RNPEP: variants seen among roughly 807,000 people sequenced by gnomAD.
RNPEP encodes the protein arginyl aminopeptidase.
In RNPEP, 57 loss-of-function variants were observed where a neutral mutation model predicts 70.1. That is an observed-to-expected ratio of 0.81 (90% CI 0.66 to 1.01). The LOEUF (loss-of-function observed/expected upper bound fraction) is 1.01. Ranked by LOEUF, RNPEP falls within the 50% of genes least tolerant of loss-of-function variation. The pLI is 0.00. For missense variants in RNPEP, 787 were observed against 852.4 expected (o/e 0.92, Z 0.96); for synonymous variants, 335 against 357.4 (o/e 0.94, Z 0.71).
Position 202,005,709 on chromosome 1 carries a change from G to T in RNPEP, c.1946G>T (p.Gly649Val), listed in dbSNP as rs370083172. 6.2e-7 allele frequency: 1 copy of T among 1,614,208 alleles called. No homozygotes were observed. The highest frequency in any genetic ancestry group is 8.5e-7 in the Non-Finnish European group (1 of 1,179,994). Reference protein sequence around the residue: ...NYVQQIVAPKGS With the variant: ...NYVQQIVAPKVS Reference sequence around the variant, plus strand: ...GTCCAGCAGATCGTGGCACCCAAGGGCAGTTAGAGGCTCGTGTGCATGGCC... The same window carrying T: ...GTCCAGCAGATCGTGGCACCCAAGGTCAGTTAGAGGCTCGTGTGCATGGCC... The change falls in exon 11 of 11, where the codon GGC (glycine) becomes GTC (valine). Residue 649 changes from glycine (G) to valine (V), a missense_variant. Physicochemically the swap from Gly to Val is moderately radical, Grantham distance 109. Transcript: ENST00000295640.
At chr1:201,983,267 G>A (rs1438483198) in intron 1 of RNPEP, 154 bp downstream of exon 1, 8 of 1,441,330 alleles carry the variant, frequency 5.6e-6, no homozygotes, top group Non-Finnish European at 7.2e-6. Flanking sequence ...CCGCCTCTAG[G>A]CCTCCTCCCC....
At chr1:201,997,648 G>T in intron 5 of RNPEP, 94 bp downstream of exon 5, 1 of 903,126 alleles carries the variant, frequency 1.1e-6, no homozygotes. Flanking sequence ...AATACAAGTG[G>T]GTGTGAAGAG....
At chr1:202,000,528 T>TTTA (rs1683753753) in intron 6 of RNPEP, among the ~76,000 whole-genome samples, 1 of 152,208 alleles carries the variant, frequency 6.6e-6, no homozygotes, top group African/African-American at 2.4e-5. Flanking sequence ...TTTTATGCAA[T>TTTA]TGAAGCTCAT....
At chr1:201,999,818 G>A (rs1683715550) in intron 5 of RNPEP, 84 bp from the exon 6 acceptor site, 4 of 1,048,616 alleles carry the variant, frequency 3.8e-6, no homozygotes, top group Non-Finnish European at 5.7e-6. Flanking sequence ...GCCACAAGGA[G>A]GCAGCACAGT....
chr1:201,997,850 A>G (rs1339589420), intron 5 of RNPEP, among the ~76,000 whole-genome samples: 2 of 145,016 alleles, frequency 1.4e-5, no homozygotes, highest in African/African-American at 5.1e-5. Flanking sequence ...TGCAACCTCC[A>G]CCTCCCGGCT....
chr1:201,995,644 T>C (rs578175302), intron 3 of RNPEP: 1 of 156,042 alleles, frequency 6.4e-6, no homozygotes, highest in East Asian at 1.9e-4. Context: ...ACCACTGTAC[T>C]CTAGCCTGGG....
chr1:201,984,352 G>T (rs1355262722), intron 1 of RNPEP, among the ~76,000 whole-genome samples: 1 of 152,192 alleles, frequency 6.6e-6, no homozygotes, highest in African/African-American at 2.4e-5. Context: ...ACTTGAAGCG[G>T]CTTCCGGATC....
At chr1:202,000,069 C>T (rs1292089860) in intron 6 of RNPEP, 54 bp downstream of exon 6, 1 of 1,326,208 alleles carries the variant, frequency 7.5e-7, no homozygotes, top group East Asian at 2.3e-5. Flanking sequence ...GCTTGGAGCC[C>T]CAAGTTAATG....
At position 202,003,052 on chromosome 1, in the gene RNPEP, C is replaced by A; in HGVS notation, c.1427-185C>A. 5.1e-6 allele frequency: 3 copies of A among 588,188 alleles called. No homozygotes were observed. The South Asian group carries it at 6.6e-5, about 13-fold the overall frequency. The allele number at this position is 588,188 out of a possible 1,614,324, so 36.4% of individuals were successfully genotyped here. ...ACTTTCACGGTCGAAACGGCACAGT[C>A]TCTAGATGTCGTTATAACTAGGACC... On this transcript the variant is annotated intron_variant, in intron 8 of 10. Coordinates refer to ENST00000295640, the MANE Select transcript of RNPEP (RefSeq NM_020216.4).
chr1:201,986,871 C>A (rs1240324774), intron 1 of RNPEP, among the ~76,000 whole-genome samples: 1 of 152,090 alleles, frequency 6.6e-6, no homozygotes, highest in Non-Finnish European at 1.5e-5. Flanking sequence ...ATTGAGGGCG[C>A]ATAGTATCCA....
intron 1 of RNPEP, chr1:201,983,653 G>A: frequency 8.4e-7 from 1 of 1,186,662 alleles, no homozygotes; most frequent in Middle Eastern, 2.5e-4. Flanking sequence ...TTCCTCCTGT[G>A]AAGTCCTGGA....
At chr1:202,005,278 C>T (rs1356937561) in intron 10 of RNPEP, among the ~76,000 whole-genome samples, 1 of 152,186 alleles carries the variant, frequency 6.6e-6, no homozygotes, top group Non-Finnish European at 1.5e-5. Context: ...AGTCTGGAAT[C>T]CCATTGTGTC....
At chr1:201,992,822 T>C (rs890700174) in intron 3 of RNPEP, among the ~76,000 whole-genome samples, 2 of 152,186 alleles carry the variant, frequency 1.3e-5, no homozygotes. Flanking sequence ...CTTTCTCAAT[T>C]CTTCGTGAAA....
intron 8 of RNPEP, among the ~76,000 whole-genome samples, chr1:202,002,142 T>C (rs149023655): frequency 9.1e-4 from 137 of 151,296 alleles, no homozygotes; most frequent in Non-Finnish European, 1.3e-3. Context: ...TGGCCCTCCT[T>C]ATTTCTTTCT....
intron 1 of RNPEP, among the ~76,000 whole-genome samples, chr1:201,985,191 TAAAAAAA>T (rs57050499): frequency 6.1e-4 from 87 of 142,126 alleles, no homozygotes; most frequent in African/African-American, 2.2e-3. Flanking sequence ...AGGCTCCATC[TAAAAAAA>T]AAAAAAAAAA....
chr1:201,998,812 C>T (rs543969098), intron 5 of RNPEP, among the ~76,000 whole-genome samples: 1 of 152,270 alleles, frequency 6.6e-6, no homozygotes, highest in South Asian at 2.1e-4. Context: ...ACCCTGTGCC[C>T]CACCCCTCCA....
In RNPEP at chr1:201,993,779, A is replaced by G. The variant is rs187765112; in HGVS notation, c.738-2368A>G. Among the ~76,000 whole-genome samples, 378 of 152,198 alleles carry G rather than the reference A, an allele frequency of 2.5e-3. 3 individuals carry two copies. The highest frequency in any genetic ancestry group is 8.8e-3 in the African/African-American group (366 of 41,554). Reference sequence around the variant, plus strand: ...GGGCAACAGAGCAAGACTCCGTCTCAACAAACAAACAAACAACTCAAAAAA... The same window carrying G: ...GGGCAACAGAGCAAGACTCCGTCTCGACAAACAAACAAACAACTCAAAAAA... On this transcript the variant is annotated intron_variant, in intron 3 of 10. Transcript: ENST00000295640.
chr1:201,986,536 C>CTTTCTTTTTT (rs1553303391), intron 1 of RNPEP, among the ~76,000 whole-genome samples: 54 of 80,592 alleles, frequency 6.7e-4, no homozygotes, highest in South Asian at 1.2e-3. Context: ...CATTTTCTTT[C>CTTTCTTTTTT]TTTTTTTTTT....
rs1012313702 is a variant in RNPEP, at chr1:202,000,152, G to A, written c.1204+137G>A. On this transcript the variant is annotated intron_variant, in intron 6 of 10. Transcript: ENST00000295640. ...GAGGGGCACTCCAGAGCTCTTTGTA[G>A]CCAATTCTCTGGCCCCTGGGCTGAC... 1.4e-5 allele frequency: 9 copies of A among 647,862 alleles called. No individual in the cohort carries two copies. The African/African-American group carries it at 1.5e-4, about 10-fold the overall frequency. The allele number at this position is 647,862 out of a possible 1,614,324, so 40.1% of individuals were successfully genotyped here.
Sources: gnomAD v4.1 joint callset for allele counts (sites outside exome capture counted in the v4.1 genomes callset) on GRCh38, gnomAD v4.1.1 for gene constraint, MANE v1.5 for transcripts, NCBI Gene and HGNC (gene_info 2026-07-23, HGNC 2026-07-21) for gene names.